TBC1D4: variants seen among roughly 807,000 people sequenced by gnomAD.
TBC1D4 encodes the protein TBC (Tre-2, BUB2, CDC16) domain-containing protein.
In TBC1D4, 121 loss-of-function variants were observed where a neutral mutation model predicts 142.5. The observed-to-expected ratio is 0.85, with a 90% CI of 0.73 to 0.99. The LOEUF (loss-of-function observed/expected upper bound fraction) is 0.99. TBC1D4 is among the 50% of genes least tolerant of loss of function. The probability of loss-of-function intolerance (pLI) is 0.00; values close to 1 mark genes in which losing one functional copy is unlikely to be tolerated. For synonymous variants in TBC1D4, 630 were observed against 628.2 expected, an observed-to-expected ratio of 1.00 and a Z score of -0.04; for missense variants, 1,475 against 1,606.6, an observed-to-expected ratio of 0.92 and a Z score of 1.40.
intron 1 of TBC1D4, among the ~76,000 whole-genome samples, chr13:75,379,809 A>C (rs1196075572): frequency 6.6e-6 from 1 of 151,544 alleles, no homozygotes; most frequent in Non-Finnish European, 1.5e-5. Flanking sequence ...ACTAAACAAC[A>C]CATTTACCAT....
chr13:75,303,170 T>G (rs1201626130), intron 15 of TBC1D4, among the ~76,000 whole-genome samples: 4 of 151,870 alleles, frequency 2.6e-5, no homozygotes, highest in Non-Finnish European at 5.9e-5. Context: ...ATACAAAAAT[T>G]AGCGAGCATG....
intron 1 of TBC1D4, among the ~76,000 whole-genome samples, chr13:75,372,039 G>A (rs1883250155): frequency 2.0e-5 from 3 of 152,004 alleles, no homozygotes; most frequent in Admixed American, 2.0e-4. Flanking sequence ...ATCAAAACAA[G>A]AAAGTAAAGC....
intron 4 of TBC1D4, among the ~76,000 whole-genome samples, chr13:75,352,905 G>A (rs1881726288): frequency 6.6e-6 from 1 of 152,140 alleles, no homozygotes; most frequent in Non-Finnish European, 1.5e-5. Context: ...TGACTGTTTT[G>A]TTTTGGTCTA....
chr13:75,480,405 A>G (rs1239286904), intron 1 of TBC1D4, among the ~76,000 whole-genome samples: 1 of 151,898 alleles, frequency 6.6e-6, no homozygotes, highest in African/African-American at 2.4e-5. Context: ...AAGGGGGAAA[A>G]CTCTGTTTTC....
At chr13:75,475,742 G>A (rs1318424750) in intron 1 of TBC1D4, among the ~76,000 whole-genome samples, 1 of 152,178 alleles carries the variant, frequency 6.6e-6, no homozygotes, top group Non-Finnish European at 1.5e-5. Flanking sequence ...ACTGAATGGT[G>A]TTATTTCTCA....
At chr13:75,390,057 G>T (rs529373032) in intron 1 of TBC1D4, among the ~76,000 whole-genome samples, 1 of 151,898 alleles carries the variant, frequency 6.6e-6, no homozygotes, top group African/African-American at 2.4e-5. Flanking sequence ...AGGCAGATCA[G>T]TTGGGGTCAG....
At chr13:75,322,808 A>G (rs1163314714) in intron 11 of TBC1D4, among the ~76,000 whole-genome samples, 5 of 152,194 alleles carry the variant, frequency 3.3e-5, no homozygotes, top group Admixed American at 3.3e-4. Flanking sequence ...TTGGTTCTCT[A>G]AATTAGTTTC....
At chr13:75,309,437 T>G (rs1038048877) in intron 14 of TBC1D4, among the ~76,000 whole-genome samples, 1 of 152,158 alleles carries the variant, frequency 6.6e-6, no homozygotes, top group Non-Finnish European at 1.5e-5. Context: ...TTTGGCTTGA[T>G]AACAGATAAT....
At chr13:75,410,732 C>G (rs1451609039) in intron 1 of TBC1D4, among the ~76,000 whole-genome samples, 1 of 151,576 alleles carries the variant, frequency 6.6e-6, no homozygotes, top group Non-Finnish European at 1.5e-5. Flanking sequence ...GTCAGGAGAT[C>G]GAGACCATCC....
chr13:75,417,039 T>G (rs553079449), intron 1 of TBC1D4, among the ~76,000 whole-genome samples: 2 of 152,142 alleles, frequency 1.3e-5, no homozygotes. Flanking sequence ...AAGCACCTGC[T>G]CCGGATGGTC....
chr13:75,381,307 G>A (rs939952010), intron 1 of TBC1D4, among the ~76,000 whole-genome samples: 6 of 152,264 alleles, frequency 3.9e-5, no homozygotes, highest in Middle Eastern at 3.4e-3. Flanking sequence ...TATTTGTCCA[G>A]TGGGTGAATG....
chr13:75,375,101 C>T (rs1423205899), intron 1 of TBC1D4, among the ~76,000 whole-genome samples: 3 of 152,236 alleles, frequency 2.0e-5, no homozygotes, highest in Non-Finnish European at 2.9e-5. Flanking sequence ...CAAGACACAG[C>T]TGTGTCCCAT....
chr13:75,296,422 A>G (rs1401962934), intron 17 of TBC1D4, among the ~76,000 whole-genome samples: 1 of 152,230 alleles, frequency 6.6e-6, no homozygotes, highest in Non-Finnish European at 1.5e-5. Context: ...TGTGATTATA[A>G]AAAGAAGCAA....
In TBC1D4 at chr13:75,289,111, C is replaced by A; in HGVS notation, c.3487-1G>T. On this transcript the variant is annotated splice_acceptor_variant, in intron 19 of 20. Coordinates refer to ENST00000377636, the MANE Select transcript of TBC1D4 (RefSeq NM_014832.5). LOFTEE classifies it high-confidence loss of function. ...GCTTAGAAATATCCATCTCAAAAAC[C>A]TGCCATGAAAGTATCATGGGTTAGG... 6.2e-7 allele frequency: 1 copy of A among 1,613,526 alleles called. No individual in the cohort carries two copies.
intron 1 of TBC1D4, among the ~76,000 whole-genome samples, chr13:75,372,535 G>T (rs983552131): frequency 6.6e-6 from 1 of 152,170 alleles, no homozygotes; most frequent in Non-Finnish European, 1.5e-5. Context: ...CTCCCAAAGT[G>T]CTGGGATTAT....
At chr13:75,400,075 T>C (rs1885006367) in intron 1 of TBC1D4, among the ~76,000 whole-genome samples, 1 of 152,162 alleles carries the variant, frequency 6.6e-6, no homozygotes, top group African/African-American at 2.4e-5. Flanking sequence ...AGATGAGCCA[T>C]CCATCAAGCC....
In TBC1D4 at chr13:75,393,971, T is replaced by TAATACAGA. The variant is rs1408467314; in HGVS notation, c.499-31372_499-31365dup. 5.3e-5 allele frequency among the ~76,000 whole-genome samples: 8 copies of TAATACAGA among 151,974 alleles called. No individual in the cohort carries two copies. The East Asian group carries it at 9.6e-4, about 18-fold the overall frequency. On this transcript the variant is annotated intron_variant, in intron 1 of 20. Coordinates refer to ENST00000377636, the MANE Select transcript of TBC1D4 (RefSeq NM_014832.5). ...AAACAAAACTAAACTCTTTCTTGAGTAATACAGATATTTATTTTCTTAGAG... is the reference window on the plus strand; with the variant it reads ...AAACAAAACTAAACTCTTTCTTGAGTAATACAGAAATACAGATATTTATTTTCTTAGAG...
At chr13:75,388,539 T>G (rs1435083339) in intron 1 of TBC1D4, among the ~76,000 whole-genome samples, 1 of 152,194 alleles carries the variant, frequency 6.6e-6, no homozygotes, top group Admixed American at 6.5e-5. Context: ...TGCTATGAAT[T>G]ATTGATTGTG....
At chr13:75,321,701 C>T (rs1456163363) in intron 11 of TBC1D4, among the ~76,000 whole-genome samples, 1 of 151,818 alleles carries the variant, frequency 6.6e-6, no homozygotes, top group Non-Finnish European at 1.5e-5. Context: ...TGTAGATATT[C>T]ATCAATAATT....
Sources: allele counts gnomAD v4.1 joint callset (sites outside exome capture counted in the v4.1 genomes callset), GRCh38; gene constraint gnomAD v4.1.1; transcripts MANE v1.5; gene names NCBI Gene and HGNC (gene_info 2026-07-23, HGNC 2026-07-21).